Variants in EML5 observed in about 807,000 individuals in gnomAD.
The protein encoded by EML5 is EMAP like 5, also known as echinoderm microtubule-associated protein-like 5.
EML5 carries 120 observed loss-of-function variants against 250.0 expected under a neutral mutation model. The observed-to-expected ratio is 0.48, with a 90% CI of 0.41 to 0.56. EML5 has a LOEUF of 0.56. Among genes scored for constraint, EML5 ranks in the 20% least tolerant of loss-of-function variants. The pLI is 0.00. For synonymous variants in EML5, 771 were observed against 806.5 expected (o/e 0.96, Z 0.75); for missense variants, 2,006 against 2,437.6 (o/e 0.82, Z 3.73).
intron 14 of EML5, among the ~76,000 whole-genome samples, chr14:88,701,347 T>C (rs1223376982): frequency 6.6e-6 from 1 of 152,154 alleles, no homozygotes; most frequent in Non-Finnish European, 1.5e-5. Context: ...TGCTAAGGTA[T>C]TGTCATAAAT....
intron 21 of EML5, among the ~76,000 whole-genome samples, chr14:88,669,583 C>G (rs2092401840): frequency 6.6e-6 from 1 of 152,136 alleles, no homozygotes; most frequent in African/African-American, 2.4e-5. Context: ...GGACAGAACT[C>G]TGATCTCCCA....
rs772981467 is a variant in EML5 at position 88,627,805 on chromosome 14, TAGA to T, written c.4369_4371del (p.Ser1457del). The T allele has an allele frequency of 1.8e-5, 28 of 1,596,526 alleles. No individual in the cohort carries two copies. Among genetic ancestry groups the T allele is most frequent in the Non-Finnish European group, 2.1e-5 (25 of 1,172,514 alleles). On this transcript the variant is annotated inframe_deletion, in exon 34 of 44. Coordinates refer to ENST00000554922, the MANE Select transcript of EML5 (RefSeq NM_183387.3). Reference sequence around the variant, plus strand: ...TTGTTCATTGCATCCCAGATGTGAATAGAAGGAGCTGTAGCTAAATAAAGATAG... The same window carrying T: ...TTGTTCATTGCATCCCAGATGTGAATAGGAGCTGTAGCTAAATAAAGATAG...
rs756510676 is a variant in EML5 at position 88,627,061 on chromosome 14, C to T, written c.4532-15G>A. The T allele has an allele frequency of 4.3e-6, 7 of 1,612,490 alleles. No individual in the cohort carries two copies. The highest frequency in any genetic ancestry group is 1.7e-5 in the Admixed American group (1 of 60,012). ...AATTTTGGCACCTGACAAGATACAA[C>T]AAAATTATCTAGGTTATTACAAGAA... On this transcript the variant is annotated splice_polypyrimidine_tract_variant and intron_variant, in intron 34 of 43. Transcript: ENST00000554922.
rs761381720 is a variant in EML5 at position 88,714,913 on chromosome 14, A to G, written c.1444+26T>C. The G allele has an allele frequency of 4.4e-6, 7 of 1,603,614 alleles. No homozygotes were observed. The East Asian group carries it at 1.6e-4, about 36-fold the overall frequency. On this transcript the variant is annotated intron_variant, in intron 9 of 43. Coordinates refer to ENST00000554922, the MANE Select transcript of EML5 (RefSeq NM_183387.3). ...CTAAAATATTGTATAGGTACTACAA[A>G]TCTATAATTTGCTAGAAATTGTTAC...
At chr14:88,775,962 G>C (rs1331873484) in intron 1 of EML5, among the ~76,000 whole-genome samples, 2 of 151,394 alleles carry the variant, frequency 1.3e-5, no homozygotes, top group East Asian at 3.9e-4. Context: ...AAATGAGTAA[G>C]AGTGTGCCTG....
At chr14:88,743,053 C>T (rs74735585) in intron 4 of EML5, among the ~76,000 whole-genome samples, 2,833 of 152,136 alleles carry the variant, frequency 0.019, 99 homozygotes, top group African/African-American at 0.065. Context: ...ACTTTACAGG[C>T]TTCAAAATCT....
intron 23 of EML5, 43 bp from the exon 24 acceptor site, chr14:88,663,162 T>A (rs1205309793): frequency 7.8e-7 from 1 of 1,281,736 alleles, no homozygotes; most frequent in Admixed American, 2.4e-5. Flanking sequence ...ATAAAATACA[T>A]ACAAATATAT....
At chr14:88,760,593 A>G (rs1341070343) in intron 1 of EML5, among the ~76,000 whole-genome samples, 2 of 152,204 alleles carry the variant, frequency 1.3e-5, no homozygotes, top group Non-Finnish European at 2.9e-5. Context: ...AAAATTGAAT[A>G]CTGTGAGTCC....
chr14:88,661,150 A>T (rs896997240), intron 25 of EML5, among the ~76,000 whole-genome samples: 2 of 152,172 alleles, frequency 1.3e-5, no homozygotes, highest in African/African-American at 4.8e-5. Context: ...GTGCAATGAC[A>T]TGACCACAGC....
chr14:88,769,442 C>A (rs913894909), intron 1 of EML5, among the ~76,000 whole-genome samples: 1 of 152,154 alleles, frequency 6.6e-6, no homozygotes, highest in Non-Finnish European at 1.5e-5. Flanking sequence ...GAACTGTGAG[C>A]CAGCTAAACC....
At chr14:88,698,614 T>G (rs2093136814) in intron 14 of EML5, among the ~76,000 whole-genome samples, 1 of 152,136 alleles carries the variant, frequency 6.6e-6, no homozygotes, top group African/African-American at 2.4e-5. Context: ...CACCTGTTAC[T>G]TAAATACAAA....
At chr14:88,745,305 C>T (rs2140292762) in intron 3 of EML5, among the ~76,000 whole-genome samples, 1 of 152,094 alleles carries the variant, frequency 6.6e-6, no homozygotes, top group South Asian at 2.1e-4. Context: ...CCACCAAATA[C>T]AGTCATTGGC....
intron 9 of EML5, among the ~76,000 whole-genome samples, chr14:88,713,406 C>G (rs186015522): frequency 5.2e-4 from 79 of 151,466 alleles, no homozygotes; most frequent in Non-Finnish European, 1.0e-3. Flanking sequence ...AAAAAAAATA[C>G]TAATAGGTAA....
chr14:88,738,825 A>G, intron 6 of EML5, 54 bp downstream of exon 6: 2 of 1,515,260 alleles, frequency 1.3e-6, no homozygotes, highest in Non-Finnish European at 1.8e-6. Flanking sequence ...GAAAGAGATA[A>G]TCTTTGGGAA....
chr14:88,687,755 T>TAA (rs201928279), intron 18 of EML5, among the ~76,000 whole-genome samples: 1 of 143,638 alleles, frequency 7.0e-6, no homozygotes, highest in African/African-American at 2.8e-5. Context: ...AGTTAAACTT[T>TAA]AAAAAAAAAC....
At chr14:88,656,032 G>C (rs1012308528) in intron 27 of EML5, among the ~76,000 whole-genome samples, 1 of 152,206 alleles carries the variant, frequency 6.6e-6, no homozygotes, top group Non-Finnish European at 1.5e-5. Flanking sequence ...GTGTAAATTA[G>C]TTCAACCATT....
At chr14:88,774,323 A>AT (rs1321842509) in intron 1 of EML5, among the ~76,000 whole-genome samples, 6 of 152,250 alleles carry the variant, frequency 3.9e-5, no homozygotes, top group African/African-American at 9.6e-5. Flanking sequence ...GCTATGTGTC[A>AT]TTTTTTTAAT....
At chr14:88,701,591 GGAA>G (rs763542882) in intron 14 of EML5, among the ~76,000 whole-genome samples, 2 of 152,114 alleles carry the variant, frequency 1.3e-5, no homozygotes, top group Admixed American at 6.6e-5. Context: ...GGAAGAAAAA[GGAA>G]GAAGAATGGG....
chr14:88,657,817 G>C (rs565707246), intron 26 of EML5, among the ~76,000 whole-genome samples: 1 of 152,170 alleles, frequency 6.6e-6, no homozygotes, highest in Admixed American at 6.5e-5. Flanking sequence ...CCTCTGTGTG[G>C]TCAAATTATG....
Sources: gnomAD v4.1 joint callset for allele counts (sites outside exome capture counted in the v4.1 genomes callset) on GRCh38, gnomAD v4.1.1 for gene constraint, MANE v1.5 for transcripts, NCBI Gene and HGNC (gene_info 2026-07-23, HGNC 2026-07-21) for gene names.